The following NUP93 variants were observed in gnomAD, a reference collection of about 807,000 sequenced individuals.
NUP93 encodes the protein nucleoporin 93, also known as nuclear pore complex protein Nup93.
A neutral mutation model predicts 107.8 loss-of-function variants in NUP93; 55 were observed. The ratio of observed to expected loss-of-function variants is 0.51; its 90% CI spans 0.41 to 0.64. The LOEUF (loss-of-function observed/expected upper bound fraction) is 0.64, where lower values mean the gene tolerates loss of function less well. Ranked by LOEUF, NUP93 falls within the 30% of genes least tolerant of loss-of-function variation. The pLI, the probability that NUP93 is intolerant of heterozygous loss-of-function variation, is 0.00. For synonymous variants in NUP93, 390 were observed against 397.5 expected, an observed-to-expected ratio of 0.98 and a Z score of 0.22; for missense variants, 937 against 1,044.7, an observed-to-expected ratio of 0.90 and a Z score of 1.42.
chr16:56,758,470 T>G lies in NUP93; in HGVS notation c.180-68T>G, dbSNP rs1401347746. ...GCTCTCTAGTATTTGATGAAGCATA[T>G]TAGATGTCCTAATCCTAATCCTAAT... is the stretch of plus-strand genomic sequence containing the variant. On this transcript the variant is annotated intron_variant, in intron 2 of 21. Transcript: ENST00000308159. The G allele has an allele frequency of 5.3e-6, 6 of 1,142,376 alleles. No individual in the cohort carries two copies. In the African/African-American group the frequency reaches 6.1e-5, roughly 12 times the overall value. 70.8% of individuals were successfully genotyped at this position (1,142,376 alleles called of 1,614,324 possible).
intron 3 of NUP93, among the ~76,000 whole-genome samples, chr16:56,779,442 A>G (rs185056574): frequency 6.6e-6 from 1 of 152,318 alleles, no homozygotes; most frequent in Non-Finnish European, 1.5e-5. Context: ...GTAAAGCCAA[A>G]ATACAAAATT....
At chr16:56,740,178 C>T (rs1282070777) in intron 1 of NUP93, among the ~76,000 whole-genome samples, 4 of 148,332 alleles carry the variant, frequency 2.7e-5, no homozygotes, top group Admixed American at 6.7e-5. Flanking sequence ...AGACGCTCCT[C>T]ACTTCCCAGA....
intron 16 of NUP93, 36 bp downstream of exon 16, chr16:56,834,814 G>T (rs758976125): frequency 6.7e-7 from 1 of 1,495,310 alleles, no homozygotes; most frequent in Admixed American, 1.8e-5. Flanking sequence ...ATGTTCGTTA[G>T]CCATTGGGGA....
chr16:56,827,860 C>T (rs1333287171), intron 8 of NUP93, among the ~76,000 whole-genome samples: 4 of 152,192 alleles, frequency 2.6e-5, no homozygotes, highest in African/African-American at 4.8e-5. Flanking sequence ...TGGCTCATGC[C>T]TGTAATCCCA....
chr16:56,776,290 G>A (rs1162955361), intron 3 of NUP93, among the ~76,000 whole-genome samples: 2 of 152,032 alleles, frequency 1.3e-5, no homozygotes, highest in African/African-American at 4.8e-5. Flanking sequence ...TTTCCGTTGA[G>A]GAGTCTTTTA....
At chr16:56,814,731 G>A (rs568810112) in intron 5 of NUP93, among the ~76,000 whole-genome samples, 12 of 152,246 alleles carry the variant, frequency 7.9e-5, no homozygotes, top group Admixed American at 7.8e-4. Flanking sequence ...CCAGACTCCT[G>A]GGTGAGCTGC....
chr16:56,768,122 A>G (rs1191953655), intron 3 of NUP93, among the ~76,000 whole-genome samples: 1 of 152,222 alleles, frequency 6.6e-6, no homozygotes, highest in Non-Finnish European at 1.5e-5. Context: ...TACCTGCTGC[A>G]GACTGGGAGC....
intron 3 of NUP93, among the ~76,000 whole-genome samples, chr16:56,788,410 C>T (rs1379744691): frequency 6.6e-6 from 1 of 152,254 alleles, no homozygotes; most frequent in East Asian, 1.9e-4. Flanking sequence ...TACAACCCTA[C>T]AAGGGTAGCA....
At chr16:56,734,842 G>A (rs1961586345) in intron 1 of NUP93, among the ~76,000 whole-genome samples, 1 of 152,214 alleles carries the variant, frequency 6.6e-6, no homozygotes, top group African/African-American at 2.4e-5. Context: ...AGATGGGGAA[G>A]GTCCAAGTCT....
At chr16:56,830,392 G>T (rs1341666796) in intron 9 of NUP93, 136 bp from the exon 10 acceptor site, 2 of 746,850 alleles carry the variant, frequency 2.7e-6, no homozygotes, top group Admixed American at 2.9e-5. Flanking sequence ...GGCTGTTAAT[G>T]GTTCTCACTG....
chr16:56,805,110 T>G (rs1441138151), intron 4 of NUP93, among the ~76,000 whole-genome samples: 1 of 152,212 alleles, frequency 6.6e-6, no homozygotes, highest in Non-Finnish European at 1.5e-5. Context: ...CAGGAGGGAA[T>G]GCAATGTTGC....
intron 1 of NUP93, among the ~76,000 whole-genome samples, chr16:56,746,928 T>C (rs1337566782): frequency 6.6e-6 from 1 of 152,042 alleles, no homozygotes; most frequent in African/African-American, 2.4e-5. Flanking sequence ...GGAAAAAAAG[T>C]ATAACAAGAG....
At chr16:56,752,178 T>A (rs1341023456) in intron 2 of NUP93, among the ~76,000 whole-genome samples, 1 of 152,202 alleles carries the variant, frequency 6.6e-6, no homozygotes, top group Non-Finnish European at 1.5e-5. Context: ...TACAGCACCA[T>A]GGGACAAAAT....
At chr16:56,735,117 T>C (rs750293781) in intron 1 of NUP93, among the ~76,000 whole-genome samples, 8 of 152,206 alleles carry the variant, frequency 5.3e-5, no homozygotes, top group Non-Finnish European at 1.2e-4. Context: ...GGAATTTAGA[T>C]GAGGGAAACT....
intron 3 of NUP93, among the ~76,000 whole-genome samples, chr16:56,794,744 C>T (rs902874359): frequency 8.6e-5 from 13 of 151,502 alleles, no homozygotes; most frequent in African/African-American, 2.4e-4. Flanking sequence ...CTGGCTAACA[C>T]GGTGAAACCC....
At chr16:56,765,771 C>CA (rs34687348) in intron 3 of NUP93, among the ~76,000 whole-genome samples, 5 of 150,868 alleles carry the variant, frequency 3.3e-5, no homozygotes, top group South Asian at 2.1e-4. Flanking sequence ...TAAACCTGTA[C>CA]AAAAAAAAAT....
At chr16:56,789,485 T>C (rs1962705253) in intron 3 of NUP93, among the ~76,000 whole-genome samples, 1 of 152,226 alleles carries the variant, frequency 6.6e-6, no homozygotes, top group African/African-American at 2.4e-5. Context: ...GATGGCCTGG[T>C]GCCCACACAG....
chr16:56,845,837 A>G lies in NUP93; in HGVS notation c.*1228A>G, dbSNP rs1376958381. ...TCTCCCAGTTGTTAAAATAATTGTT[A>G]CCTTTTCTTTTGGGAAGAAATAATC... On this transcript the variant is annotated 3_prime_UTR_variant, in exon 22 of 22. Transcript: ENST00000308159. 2 of 152,092 alleles carry G rather than the reference A, an allele frequency of 1.3e-5. No individual in the cohort carries two copies. Among genetic ancestry groups the G allele is most frequent in the African/African-American group, 4.8e-5 (2 of 41,408 alleles). 9.4% of individuals were successfully genotyped at this position (152,092 alleles called of 1,614,324 possible). A position where few individuals can be genotyped will look rare whatever the true frequency, so the allele number is the denominator to read the frequency against.
chr16:56,779,340 G>A (rs533761495), intron 3 of NUP93, among the ~76,000 whole-genome samples: 1 of 152,244 alleles, frequency 6.6e-6, no homozygotes, highest in East Asian at 1.9e-4. Flanking sequence ...TTGTTTAAGT[G>A]AGCCCACTTT....
Sources: gnomAD v4.1 joint callset for allele counts (sites outside exome capture counted in the v4.1 genomes callset) on GRCh38, gnomAD v4.1.1 for gene constraint, MANE v1.5 for transcripts, NCBI Gene and HGNC (gene_info 2026-07-23, HGNC 2026-07-21) for gene names.